Variants in BNIP3L observed in about 807,000 individuals in gnomAD.
BNIP3L encodes the protein BCL2 interacting protein 3 like, also known as BCL2/adenovirus E1B 19 kDa protein-interacting protein 3-like.
Under a neutral mutation model 25.5 loss-of-function variants are expected in BNIP3L, and 10 were observed. That is an observed-to-expected ratio of 0.39 (90% CI 0.24 to 0.67). BNIP3L has a LOEUF of 0.67. Among genes scored for constraint, BNIP3L ranks in the 30% least tolerant of loss-of-function variants. BNIP3L has a pLI of 0.45. For synonymous variants in BNIP3L, 113 were observed against 101.2 expected (o/e 1.12, Z -0.70); for missense variants, 215 against 270.9 (o/e 0.79, Z 1.45).
intron 1 of BNIP3L, among the ~76,000 whole-genome samples, chr8:26,386,145 A>G (rs1457951043): frequency 2.0e-5 from 3 of 152,184 alleles, no homozygotes; most frequent in Non-Finnish European, 4.4e-5. Context: ...AAATTACTGA[A>G]GTATTTGAAT....
At chr8:26,410,214 T>G in intron 5 of BNIP3L, 150 bp from the exon 6 acceptor site, 1 of 785,894 alleles carries the variant, frequency 1.3e-6, no homozygotes. Context: ...AGAAAGTCAG[T>G]GATGATTTCA....
rs910352686 is a variant in BNIP3L, at chr8:26,411,727, G to A, written c.*1315G>A. 6.6e-6 allele frequency: 1 copy of A among 152,582 alleles called. No individual in the cohort carries two copies. Among genetic ancestry groups the A allele is most frequent in the East Asian group, 1.9e-4 (1 of 5,198 alleles). The allele number at this position is 152,582 out of a possible 1,614,324, so 9.5% of individuals were successfully genotyped here. ...GGACCAAATTGTTAGAAAGCATCAGGATGACCAGTTATCTCGAGTAGATTT... is the reference window on the plus strand; with the variant it reads ...GGACCAAATTGTTAGAAAGCATCAGAATGACCAGTTATCTCGAGTAGATTT... On this transcript the variant is annotated 3_prime_UTR_variant, in exon 6 of 6. Transcript: ENST00000380629.
Position 26,396,605 on chromosome 8 carries a change from C to T in BNIP3L, c.357+1303C>T, listed in dbSNP as rs371217947. Among the ~76,000 whole-genome samples the T allele has an allele frequency of 5.5e-3, 824 of 149,948 alleles. 6 individuals are homozygous for T. Among genetic ancestry groups the T allele is most frequent in the Non-Finnish European group, 7.4e-3 (504 of 67,684 alleles). On this transcript the variant is annotated intron_variant, in intron 3 of 5. Coordinates refer to ENST00000380629, the MANE Select transcript of BNIP3L (RefSeq NM_004331.3). ...AAGGAACGCAGTTCCTCACCAGCAA[C>T]GGAACAAAGCTGGATGGAGAATGAT... is the stretch of plus-strand genomic sequence containing the variant.
chr8:26,401,344 C>T (rs1196355995), intron 3 of BNIP3L, among the ~76,000 whole-genome samples: 4 of 146,568 alleles, frequency 2.7e-5, no homozygotes, highest in Non-Finnish European at 4.5e-5. Context: ...CATATTCTCA[C>T]TCATAGGTGG....
chr8:26,395,223 C>A lies in BNIP3L; in HGVS notation c.285-7C>A. On this transcript the variant is annotated splice_region_variant and splice_polypyrimidine_tract_variant and intron_variant, in intron 2 of 5. Coordinates refer to ENST00000380629, the MANE Select transcript of BNIP3L (RefSeq NM_004331.3). ...TAAAACTAATAGCTGAATTCCTTCT[C>A]TTCTAGCCCTTCGCCACAAGAAGAT... 6.2e-7 allele frequency: 1 copy of A among 1,613,934 alleles called. No homozygotes were observed. The highest frequency in any genetic ancestry group is 8.5e-7 in the Non-Finnish European group (1 of 1,179,856).
chr8:26,388,256 A>C (rs1401451834), intron 1 of BNIP3L, among the ~76,000 whole-genome samples: 1 of 152,230 alleles, frequency 6.6e-6, no homozygotes, highest in Non-Finnish European at 1.5e-5. Flanking sequence ...TAATTGTAGT[A>C]GCTAAAACTT....
chr8:26,407,177 TTTTTG>T (rs1217628918), intron 3 of BNIP3L, among the ~76,000 whole-genome samples: 100 of 150,420 alleles, frequency 6.6e-4, no homozygotes, highest in Non-Finnish European at 9.5e-4. Flanking sequence ...GGCTAATTTT[TTTTTG>T]TTTTGTTTTG....
chr8:26,387,039 A>G (rs1806007440), intron 1 of BNIP3L, among the ~76,000 whole-genome samples: 1 of 152,212 alleles, frequency 6.6e-6, no homozygotes, highest in African/African-American at 2.4e-5. Context: ...CAAAAGAGTT[A>G]CATGTGGGCC....
chr8:26,407,808 G>A (rs919555958), intron 3 of BNIP3L, among the ~76,000 whole-genome samples, 192 bp from the exon 4 acceptor site: 9 of 152,176 alleles, frequency 5.9e-5, no homozygotes, highest in Admixed American at 3.3e-4. Flanking sequence ...GCTCACTCAG[G>A]TTGTTCTGAA....
intron 3 of BNIP3L, among the ~76,000 whole-genome samples, chr8:26,400,681 A>G (rs1806349365): frequency 9.9e-6 from 1 of 100,564 alleles, no homozygotes; most frequent in East Asian, 2.9e-4. Context: ...CAAAGGGCTA[A>G]TATCCAGAAT....
At chr8:26,409,194 T>G (rs936591540) in intron 5 of BNIP3L, among the ~76,000 whole-genome samples, 3 of 152,232 alleles carry the variant, frequency 2.0e-5, no homozygotes, top group African/African-American at 7.2e-5. Context: ...TTACGTGTAA[T>G]TCATTAGTTT....
intron 3 of BNIP3L, among the ~76,000 whole-genome samples, chr8:26,401,558 A>G (rs1278975247): frequency 1.3e-5 from 2 of 150,874 alleles, no homozygotes; most frequent in African/African-American, 4.9e-5. Flanking sequence ...CTAAAACTTA[A>G]ATTAAAAAAA....
chr8:26,395,163 C>A, intron 2 of BNIP3L, 67 bp from the exon 3 acceptor site: 1 of 1,525,384 alleles, frequency 6.6e-7, no homozygotes, highest in Non-Finnish European at 9.0e-7. Flanking sequence ...TTTCTAATTT[C>A]TAGTAGAGAC....
chr8:26,391,132 A>G (rs1411835744), intron 1 of BNIP3L, 111 bp from the exon 2 acceptor site: 3 of 858,962 alleles, frequency 3.5e-6, no homozygotes, highest in Admixed American at 3.2e-5. Flanking sequence ...ATACTTTTAC[A>G]TTTGGTTTGA....
intron 5 of BNIP3L, 22 bp downstream of exon 5, chr8:26,408,398 A>G: frequency 6.3e-7 from 1 of 1,587,128 alleles, no homozygotes; most frequent in Non-Finnish European, 8.6e-7. Flanking sequence ...TCAACTCCTG[A>G]AGTTTTTTCC....
At position 26,410,487 on chromosome 8, in the gene BNIP3L, A is replaced by G; in HGVS notation, c.*75A>G. ...TGTCACAGTAGCTTATTTGAACTTG[A>G]GACCATTGTAAGCATGACCCAACCT... On this transcript the variant is annotated 3_prime_UTR_variant, in exon 6 of 6. Transcript: ENST00000380629. 6.4e-7 allele frequency: 1 copy of G among 1,563,234 alleles called. No homozygotes were observed. The highest frequency in any genetic ancestry group is 1.1e-5 in the South Asian group (1 of 89,854).
At chr8:26,394,469 A>G (rs545217647) in intron 2 of BNIP3L, among the ~76,000 whole-genome samples, 4 of 152,326 alleles carry the variant, frequency 2.6e-5, no homozygotes, top group South Asian at 4.1e-4. Flanking sequence ...GATATTTACT[A>G]TATTAGAAAT....
intron 3 of BNIP3L, 33 bp from the exon 4 acceptor site, chr8:26,407,967 T>G: frequency 1.3e-6 from 2 of 1,593,866 alleles, no homozygotes; most frequent in Non-Finnish European, 1.7e-6. Context: ...TTGGTCTTCC[T>G]TTTTTTCTTA....
chr8:26,386,738 T>C (rs1806001722), intron 1 of BNIP3L, among the ~76,000 whole-genome samples: 2 of 152,334 alleles, frequency 1.3e-5, no homozygotes, highest in South Asian at 4.1e-4. Flanking sequence ...TAGAAACATC[T>C]TCAAGCACAA....
Sources: allele counts gnomAD v4.1 joint callset (sites outside exome capture counted in the v4.1 genomes callset), GRCh38; gene constraint gnomAD v4.1.1; transcripts MANE v1.5; gene names NCBI Gene and HGNC (gene_info 2026-07-23, HGNC 2026-07-21).